The following IMPG1 variants were observed in gnomAD, a reference collection of about 807,000 sequenced individuals.
IMPG1 encodes interphotoreceptor matrix proteoglycan of 150 kDa.
Under a neutral mutation model 92.0 loss-of-function variants are expected in IMPG1, and 85 were observed. The ratio of observed to expected loss-of-function variants is 0.92; its 90% CI spans 0.78 to 1.11. IMPG1 has a LOEUF of 1.11. Among genes scored for constraint, IMPG1 ranks in the 50% least tolerant of loss-of-function variants. The pLI, the probability that IMPG1 is intolerant of heterozygous loss-of-function variation, is 0.00. For missense variants in IMPG1, 1,022 were observed against 956.0 expected (o/e 1.07, Z -0.91); for synonymous variants, 367 against 334.1 (o/e 1.10, Z -1.08).
chr6:76,015,281 C>A (rs1207213583), intron 7 of IMPG1, among the ~76,000 whole-genome samples: 3 of 152,112 alleles, frequency 2.0e-5, no homozygotes. Context: ...AGGCATTGGG[C>A]TGTGGTGGGG....
At chr6:75,933,899 G>A (rs1325186704) in intron 14 of IMPG1, among the ~76,000 whole-genome samples, 2 of 152,188 alleles carry the variant, frequency 1.3e-5, no homozygotes, top group Non-Finnish European at 2.9e-5. Flanking sequence ...GGATATTGCC[G>A]ACATCATTTT....
chr6:75,923,211 A>G (rs560964490), intron 16 of IMPG1, among the ~76,000 whole-genome samples: 1 of 152,208 alleles, frequency 6.6e-6, no homozygotes, highest in Admixed American at 6.5e-5. Context: ...TTTTGAAGTT[A>G]CTCATTGTTC....
At position 76,042,026 on chromosome 6, in the gene IMPG1, A is replaced by T; in HGVS notation, c.168T>A (p.Thr56=). 2 of 1,612,842 alleles carry T rather than the reference A, an allele frequency of 1.2e-6. No homozygotes were observed. Among genetic ancestry groups the T allele is most frequent in the Non-Finnish European group, 1.7e-6 (2 of 1,178,854 alleles). The change falls in exon 2 of 17, where the codon ACT becomes ACA. Residue 56 remains threonine, a synonymous_variant. Transcript: ENST00000369950. The part of the protein sequence containing the change: ...ESTEKMYKMS[T]MRRIFDLAKH... ...TTGCCAAATCGAATATTCGTCTCAT[A>T]GTTGACATTTTGTACATTTTTTCAG...
At chr6:75,936,266 C>T (rs1297664794) in intron 14 of IMPG1, among the ~76,000 whole-genome samples, 1 of 152,230 alleles carries the variant, frequency 6.6e-6, no homozygotes, top group Non-Finnish European at 1.5e-5. Flanking sequence ...TCCCATTCTG[C>T]GTGTTCCACG....
intron 4 of IMPG1, among the ~76,000 whole-genome samples, chr6:76,030,530 A>G (rs538823071): frequency 2.6e-4 from 39 of 152,156 alleles, no homozygotes; most frequent in African/African-American, 9.2e-4. Flanking sequence ...CGCTCCCCTG[A>G]GATGCATCCT....
At chr6:76,018,644 AGGGTTTATGTCCTATC>A (rs1783339902) in intron 7 of IMPG1, 58 bp downstream of exon 7, 2 of 1,364,168 alleles carry the variant, frequency 1.5e-6, no homozygotes, top group East Asian at 4.9e-5. Flanking sequence ...GTTCGCCGTA[AGGGTTTATGTCCTATC>A]GGCTCCCACC....
At chr6:76,057,104 A>G (rs1310374704) in intron 1 of IMPG1, among the ~76,000 whole-genome samples, 1 of 152,154 alleles carries the variant, frequency 6.6e-6, no homozygotes, top group Non-Finnish European at 1.5e-5. Context: ...ATGAGAACAC[A>G]TGGATACATG....
intron 4 of IMPG1, 50 bp from the exon 5 acceptor site, chr6:76,025,308 G>T (rs770247201): frequency 7.8e-5 from 77 of 988,616 alleles, no homozygotes; most frequent in Non-Finnish European, 9.7e-5. Flanking sequence ...AGAACTTGAT[G>T]ACAGTAGAGA....
At chr6:76,042,449 G>C (rs189407346) in intron 1 of IMPG1, among the ~76,000 whole-genome samples, 281 of 152,184 alleles carry the variant, frequency 1.8e-3, no homozygotes, top group African/African-American at 6.6e-3. Flanking sequence ...CCTCTCAAGA[G>C]ATGTCTCTTA....
At chr6:75,972,762 T>G (rs1210258751) in intron 12 of IMPG1, among the ~76,000 whole-genome samples, 2 of 152,230 alleles carry the variant, frequency 1.3e-5, no homozygotes, top group Non-Finnish European at 2.9e-5. Flanking sequence ...TCAATCAATT[T>G]TCAAACATTT....
intron 8 of IMPG1, among the ~76,000 whole-genome samples, chr6:76,009,048 A>C (rs1783142854): frequency 6.6e-6 from 1 of 152,196 alleles, no homozygotes; most frequent in African/African-American, 2.4e-5. Context: ...GTATTCCAAT[A>C]GTTCATTTCT....
rs1457256570 is a variant in IMPG1 at position 76,068,517 on chromosome 6, T to TC, written c.67+3904_67+3905insG. ...ATTTTTAAAATGTCCATACTTTTTT[T>TC]TTTTTTTTTTTTTTGGAGACAGAGT... On this transcript the variant is annotated intron_variant, in intron 1 of 16. Transcript: ENST00000369950. Among the ~76,000 whole-genome samples, 4 of 148,430 alleles carry TC rather than the reference T, an allele frequency of 2.7e-5. No homozygotes were observed. In the East Asian group the frequency reaches 7.9e-4, roughly 29 times the overall value.
chr6:75,940,494 T>C (rs2872401), intron 14 of IMPG1, among the ~76,000 whole-genome samples: 16,333 of 152,256 alleles, frequency 0.11, 1,040 homozygotes, highest in Middle Eastern at 0.18. Flanking sequence ...CTTGCAGTAT[T>C]GTATGAATGA....
At chr6:76,025,678 A>C (rs2149484930) in intron 4 of IMPG1, among the ~76,000 whole-genome samples, 1 of 152,318 alleles carries the variant, frequency 6.6e-6, no homozygotes, top group East Asian at 1.9e-4. Flanking sequence ...AGAGTCATTA[A>C]GCTTATCTAA....
intron 15 of IMPG1, 61 bp from the exon 16 acceptor site, chr6:75,923,767 C>G (rs1281027793): frequency 1.2e-6 from 1 of 866,996 alleles, no homozygotes; most frequent in Non-Finnish European, 1.9e-6. Flanking sequence ...TTAATAGTAA[C>G]TACATCTTTC....
chr6:75,973,787 A>G (rs918402430), intron 12 of IMPG1, among the ~76,000 whole-genome samples: 5 of 152,140 alleles, frequency 3.3e-5, no homozygotes, highest in African/African-American at 1.2e-4. Context: ...TATGTTATTT[A>G]ATTGAAAGCA....
chr6:75,990,776 A>T (rs919929108), intron 12 of IMPG1, among the ~76,000 whole-genome samples: 1 of 152,180 alleles, frequency 6.6e-6, no homozygotes, highest in Non-Finnish European at 1.5e-5. Flanking sequence ...GCAACTTGCA[A>T]TCTACTGACA....
intron 14 of IMPG1, among the ~76,000 whole-genome samples, chr6:75,945,082 A>T (rs942522329): frequency 1.3e-5 from 2 of 152,234 alleles, no homozygotes; most frequent in Non-Finnish European, 2.9e-5. Context: ...GAAAAGCTGC[A>T]TAGCAGAACT....
intron 14 of IMPG1, among the ~76,000 whole-genome samples, chr6:75,944,705 T>A (rs12110360): frequency 1.7e-3 from 253 of 152,356 alleles, no homozygotes; most frequent in African/African-American, 5.4e-3. Context: ...TAGTGTAACA[T>A]TCAGTGGCTT....
Sources: allele counts gnomAD v4.1 joint callset (sites outside exome capture counted in the v4.1 genomes callset), GRCh38; gene constraint gnomAD v4.1.1; transcripts MANE v1.5; gene names NCBI Gene and HGNC (gene_info 2026-07-23, HGNC 2026-07-21).